The following SUCLA2 variants were observed in gnomAD, a reference collection of about 807,000 sequenced individuals.
SUCLA2 encodes the protein succinate--CoA ligase [ADP-forming] subunit beta, mitochondrial.
SUCLA2 carries 30 observed loss-of-function variants against 54.8 expected under a neutral mutation model. The observed-to-expected ratio is 0.55, with a 90% confidence interval of 0.41 to 0.74. The LOEUF is 0.74. Ranked by LOEUF, SUCLA2 falls within the 30% of genes least tolerant of loss-of-function variation. SUCLA2 has a pLI of 0.00. For synonymous variants in SUCLA2, 172 were observed against 188.9 expected (o/e 0.91, Z 0.74); for missense variants, 476 against 562.9 (o/e 0.85, Z 1.56).
rs112724769 is a variant in SUCLA2, at chr13:47,960,805, G to A, written c.803-6248C>T. ...TGTAAACAGAATATGTGCAGGTGTC[G>A]CACTGGTTTGAAGATGAACACTCAT... On this transcript the variant is annotated intron_variant, in intron 6 of 10. Coordinates refer to ENST00000646932, the MANE Select transcript of SUCLA2 (RefSeq NM_003850.3). 3.5e-3 allele frequency among the ~76,000 whole-genome samples: 534 copies of A among 152,154 alleles called. 3 individuals are homozygous for A. The highest frequency in any genetic ancestry group is 0.01 in the African/African-American group (424 of 41,512).
Position 47,968,723 on chromosome 13 carries a change from T to G in SUCLA2, c.674A>C (p.Lys225Thr). The G allele has an allele frequency of 1.2e-6, 2 of 1,612,502 alleles. No homozygotes were observed. The highest frequency in any genetic ancestry group is 1.7e-6 in the Non-Finnish European group (2 of 1,179,882). ...CACAATATTAGGTGGAAATCCCATC[T>G]TCTGTGCAAGCTGAAATCAATATGT... The part of the protein sequence containing the change: ...KKEQALQLAQ[K>T]MGFPPNIVES... The change falls in exon 6 of 11, where the codon AAG (lysine) becomes ACG (threonine). Residue 225 changes from lysine (K) to threonine (T), a missense_variant. This residue lies in a region of SUCLA2 where 342 missense variants were observed against 444.2 expected (regional missense o/e 0.77). Coordinates refer to ENST00000646932, the MANE Select transcript of SUCLA2 (RefSeq NM_003850.3).
intron 3 of SUCLA2, 44 bp downstream of exon 3, chr13:47,988,838 C>A: frequency 6.3e-7 from 1 of 1,596,280 alleles, no homozygotes; most frequent in South Asian, 1.1e-5. Flanking sequence ...AATCTTTAAT[C>A]AGTCTTTAAC....
chr13:47,962,652 G>A (rs962781781), intron 6 of SUCLA2, among the ~76,000 whole-genome samples: 3 of 152,120 alleles, frequency 2.0e-5, no homozygotes, highest in African/African-American at 7.2e-5. Context: ...TTTGATTCCT[G>A]GGTGGCTACA....
chr13:47,964,415 A>T (rs1485988048), intron 6 of SUCLA2, among the ~76,000 whole-genome samples: 1 of 152,174 alleles, frequency 6.6e-6, no homozygotes, highest in African/African-American at 2.4e-5. Flanking sequence ...TATGTATGGA[A>T]TAAATTAAAT....
intron 8 of SUCLA2, 113 bp from the exon 9 acceptor site, chr13:47,949,716 T>G: frequency 8.8e-7 from 1 of 1,131,536 alleles, no homozygotes; most frequent in East Asian, 2.6e-5. Flanking sequence ...AGAAAGATTT[T>G]CAGACCAAAC....
intron 3 of SUCLA2, 32 bp from the exon 4 acceptor site, chr13:47,988,735 T>C (rs750857347): frequency 6.2e-7 from 1 of 1,612,376 alleles, no homozygotes. Flanking sequence ...AAATTTTTCT[T>C]TCCTCCAGTT....
chr13:47,973,183 A>C (rs145273457), intron 5 of SUCLA2, 81 bp downstream of exon 5: 8 of 1,240,072 alleles, frequency 6.5e-6, no homozygotes, highest in Non-Finnish European at 9.4e-6. Flanking sequence ...AAGTTTTGAC[A>C]ATTACTTCAG....
intron 6 of SUCLA2, among the ~76,000 whole-genome samples, chr13:47,955,849 C>T (rs1254386943): frequency 2.0e-5 from 3 of 152,080 alleles, no homozygotes; most frequent in African/African-American, 7.2e-5. Flanking sequence ...CCTTGCAGCT[C>T]CTGAAAAGAT....
intron 4 of SUCLA2, chr13:47,987,958 T>G (rs994542854): frequency 6.6e-6 from 1 of 152,210 alleles, no homozygotes; most frequent in African/African-American, 2.4e-5. Context: ...GGATTTTCTC[T>G]TCACCAGAAG....
intron 6 of SUCLA2, among the ~76,000 whole-genome samples, chr13:47,965,287 C>T (rs1338638459): frequency 1.3e-5 from 2 of 151,300 alleles, no homozygotes; most frequent in East Asian, 1.9e-4. Flanking sequence ...GTAATTACAA[C>T]GGGAAAAACT....
At chr13:47,961,441 C>G (rs572294437) in intron 6 of SUCLA2, among the ~76,000 whole-genome samples, 1 of 152,200 alleles carries the variant, frequency 6.6e-6, no homozygotes, top group Admixed American at 6.5e-5. Context: ...TTTGTGATAA[C>G]AAGTGTCTTA....
intron 4 of SUCLA2, among the ~76,000 whole-genome samples, chr13:47,980,889 C>T (rs905428769): frequency 2.0e-5 from 3 of 152,066 alleles, no homozygotes; most frequent in Non-Finnish European, 4.4e-5. Flanking sequence ...ATTGGATATC[C>T]ACATGCAAAA....
intron 4 of SUCLA2, among the ~76,000 whole-genome samples, chr13:47,975,539 T>C (rs944288937): frequency 6.6e-6 from 1 of 152,202 alleles, no homozygotes; most frequent in Non-Finnish European, 1.5e-5. Context: ...CATTCATTAC[T>C]GTTTAGAGAA....
At chr13:47,995,470 A>G (rs1043854562) in intron 2 of SUCLA2, among the ~76,000 whole-genome samples, 1 of 152,220 alleles carries the variant, frequency 6.6e-6, no homozygotes, top group Non-Finnish European at 1.5e-5. Context: ...AGTCAAGGAA[A>G]TCATGGCCAT....
intron 2 of SUCLA2, among the ~76,000 whole-genome samples, chr13:47,993,661 G>A (rs549289887): frequency 2.8e-4 from 43 of 152,302 alleles, no homozygotes; most frequent in African/African-American, 1.0e-3. Flanking sequence ...ACAGGACTGG[G>A]AAGAAACAAT....
At chr13:47,948,914 T>C (rs1342852674) in intron 10 of SUCLA2, 26 bp downstream of exon 10, 2 of 1,603,998 alleles carry the variant, frequency 1.2e-6, no homozygotes, top group Non-Finnish European at 1.7e-6. Flanking sequence ...TTATAAATCC[T>C]CCTTAGATGA....
Position 47,954,512 on chromosome 13 carries a change from T to C in SUCLA2, c.848A>G (p.Tyr283Cys). 3 of 1,613,878 alleles carry C rather than the reference T, an allele frequency of 1.9e-6. No homozygotes were observed. The highest frequency in any genetic ancestry group is 1.1e-5 in the South Asian group (1 of 91,078). The change falls in exon 7 of 11, where the codon TAT becomes TGT. Residue 283 changes from tyrosine to cysteine, a missense_variant. Physicochemically the swap from Tyr to Cys is radical, Grantham distance 194. Coordinates refer to ENST00000646932, the MANE Select transcript of SUCLA2 (RefSeq NM_003850.3). ...AKINFDSNSA[Y>C]RQKKIFDLQD... ...TAGATCAAAGATTTTCTTTTGGCGATAGGCTGAATTAGAGTCAAAATTGAT... is the reference window on the plus strand; with the variant it reads ...TAGATCAAAGATTTTCTTTTGGCGACAGGCTGAATTAGAGTCAAAATTGAT...
chr13:47,980,232 C>T (rs1010524866), intron 4 of SUCLA2, among the ~76,000 whole-genome samples: 2 of 152,016 alleles, frequency 1.3e-5, no homozygotes, highest in African/African-American at 4.8e-5. Context: ...CTGGCTAACA[C>T]GGTGAAACTC....
At chr13:47,946,162 G>A (rs979522137) in intron 10 of SUCLA2, among the ~76,000 whole-genome samples, 2 of 152,058 alleles carry the variant, frequency 1.3e-5, no homozygotes, top group Non-Finnish European at 2.9e-5. Flanking sequence ...CATTTATCAC[G>A]GTATATTGTT....
Sources: allele counts gnomAD v4.1 joint callset (sites outside exome capture counted in the v4.1 genomes callset), GRCh38; gene constraint gnomAD v4.1.1; regional missense constraint gnomAD v4.1.1; transcripts MANE v1.5; gene names NCBI Gene and HGNC (gene_info 2026-07-23, HGNC 2026-07-21).